DLG2: variants seen among roughly 807,000 people sequenced by gnomAD.
The protein encoded by DLG2 is disks large homolog 2.
Under a neutral mutation model 132.5 loss-of-function variants are expected in DLG2, and 45 were observed. The ratio of observed to expected loss-of-function variants is 0.34; its 90% confidence interval spans 0.27 to 0.44. DLG2 has a LOEUF of 0.44. Ranked by LOEUF, DLG2 falls within the 20% of genes least tolerant of loss-of-function variation. The pLI is 1.00. For missense variants in DLG2, 1,045 were observed against 1,196.9 expected (o/e 0.87, Z 1.87); for synonymous variants, 424 against 419.6 (o/e 1.01, Z -0.13).
At position 83,667,796 on chromosome 11, in the gene DLG2, G is replaced by A. The variant is rs933484467; in HGVS notation, c.1826-34471C>T. Among the ~76,000 whole-genome samples the A allele has an allele frequency of 3.3e-5, 5 of 151,662 alleles. No individual in the cohort carries two copies. The East Asian group carries it at 5.8e-4, about 18-fold the overall frequency. ...AGATTGAGACCATCCTAGCTAACAC[G>A]GTGAAACCCCGTCTGTACTAAAAAT... On this transcript the variant is annotated intron_variant, in intron 18 of 27. Transcript: ENST00000376104.
intron 3 of DLG2, among the ~76,000 whole-genome samples, chr11:85,452,096 T>A (rs1287335878): frequency 1.3e-5 from 2 of 152,126 alleles, no homozygotes; most frequent in Non-Finnish European, 2.9e-5. Context: ...GGTATTTTTA[T>A]AATAGATTAT....
intron 11 of DLG2, among the ~76,000 whole-genome samples, chr11:83,985,715 CCATGGTGTATATGAACCA>C (rs1481095128): frequency 1.3e-5 from 2 of 152,102 alleles, no homozygotes; most frequent in African/African-American, 4.8e-5. Flanking sequence ...ACATAGTATT[CCATGGTGTATATGAACCA>C]CATTTTCTAC....
intron 18 of DLG2, among the ~76,000 whole-genome samples, chr11:83,714,611 T>G (rs1315373508): frequency 6.6e-6 from 1 of 152,234 alleles, no homozygotes; most frequent in Non-Finnish European, 1.5e-5. Flanking sequence ...CTTCCTCATT[T>G]GAAAGATGAG....
intron 8 of DLG2, among the ~76,000 whole-genome samples, chr11:84,167,889 C>T (rs764433492): frequency 2.6e-5 from 4 of 152,168 alleles, no homozygotes; most frequent in Non-Finnish European, 5.9e-5. Context: ...TGGTCTCAAA[C>T]TCCTGACCTC....
At chr11:85,426,423 A>T (rs2090745312) in intron 3 of DLG2, among the ~76,000 whole-genome samples, 1 of 152,162 alleles carries the variant, frequency 6.6e-6, no homozygotes, top group African/African-American at 2.4e-5. Flanking sequence ...CTCCTCTGAG[A>T]CAAAACTTCC....
chr11:85,421,632 T>G (rs1171993666), intron 3 of DLG2, among the ~76,000 whole-genome samples: 2 of 152,068 alleles, frequency 1.3e-5, no homozygotes, highest in Admixed American at 1.3e-4. Flanking sequence ...TCTGTATCTT[T>G]TAAGTGGAGG....
intron 18 of DLG2, among the ~76,000 whole-genome samples, chr11:83,736,233 T>C (rs1326180419): frequency 6.6e-6 from 1 of 152,170 alleles, no homozygotes; most frequent in East Asian, 1.9e-4. Flanking sequence ...AAGACCCAAG[T>C]CTTAAACTGA....
At chr11:84,265,903 T>C (rs997411657) in intron 7 of DLG2, among the ~76,000 whole-genome samples, 17 of 152,292 alleles carry the variant, frequency 1.1e-4, no homozygotes, top group African/African-American at 4.1e-4. Context: ...TTAATGTGTA[T>C]ATATTTTTAA....
chr11:83,810,664 T>G (rs1273787092), intron 17 of DLG2, among the ~76,000 whole-genome samples: 1 of 152,130 alleles, frequency 6.6e-6, no homozygotes, highest in Non-Finnish European at 1.5e-5. Flanking sequence ...TTAAAATACC[T>G]ACATACTGTA....
At position 84,818,178 on chromosome 11, in the gene DLG2, G is replaced by A. The variant is rs540546362; in HGVS notation, c.358-283447C>T. Among the ~76,000 whole-genome samples the A allele has an allele frequency of 3.3e-5, 5 of 152,074 alleles. No homozygotes were observed. In the East Asian group the frequency reaches 5.8e-4, roughly 18 times the overall value. ...CACTGCAGAATTCAAACACTTCCAC[G>A]TAGAGGACAATGACTGGCAGGCATT... is the stretch of plus-strand genomic sequence containing the variant. On this transcript the variant is annotated intron_variant, in intron 6 of 27. Coordinates refer to ENST00000376104, the MANE Select transcript of DLG2 (RefSeq NM_001142699.3).
At chr11:85,027,252 C>T (rs1004172849) in intron 6 of DLG2, among the ~76,000 whole-genome samples, 2 of 127,290 alleles carry the variant, frequency 1.6e-5, no homozygotes, top group African/African-American at 5.9e-5. Context: ...GTTAAATACA[C>T]ATATGATATA....
At chr11:84,843,656 C>A (rs1031074001) in intron 6 of DLG2, among the ~76,000 whole-genome samples, 9 of 151,810 alleles carry the variant, frequency 5.9e-5, no homozygotes, top group African/African-American at 1.9e-4. Flanking sequence ...CTCTCATATA[C>A]TTTAAATCAT....
chr11:84,462,357 C>A (rs1164529690), intron 7 of DLG2, among the ~76,000 whole-genome samples: 1 of 150,816 alleles, frequency 6.6e-6, no homozygotes, highest in Non-Finnish European at 1.5e-5. Context: ...TTTTTAAAAA[C>A]CTTTTTTCCA....
intron 6 of DLG2, among the ~76,000 whole-genome samples, chr11:84,683,622 G>A (rs2099735461): frequency 6.6e-6 from 1 of 152,130 alleles, no homozygotes; most frequent in Non-Finnish European, 1.5e-5. Flanking sequence ...AACCACTGAA[G>A]GATTTTGAGA....
At chr11:84,905,411 A>T (rs879472157) in intron 6 of DLG2, among the ~76,000 whole-genome samples, 3 of 152,206 alleles carry the variant, frequency 2.0e-5, no homozygotes, top group Non-Finnish European at 2.9e-5. Flanking sequence ...AGACTCTATG[A>T]CTTAACACAA....
intron 18 of DLG2, among the ~76,000 whole-genome samples, chr11:83,673,744 C>T (rs775575934): frequency 1.3e-5 from 2 of 152,216 alleles, no homozygotes; most frequent in Admixed American, 6.5e-5. Context: ...GAACAAGCCT[C>T]ATTTTCTCCT....
At chr11:85,614,252 T>G (rs1435394443) in intron 2 of DLG2, among the ~76,000 whole-genome samples, 1 of 152,072 alleles carries the variant, frequency 6.6e-6, no homozygotes, top group Non-Finnish European at 1.5e-5. Flanking sequence ...TTTTTACAAA[T>G]CAAGGACACT....
chr11:84,739,379 T>C (rs564975667), intron 6 of DLG2, among the ~76,000 whole-genome samples: 17 of 152,294 alleles, frequency 1.1e-4, no homozygotes, highest in Admixed American at 3.3e-4. Flanking sequence ...CATGAAGTGA[T>C]GACTCCCTAC....
chr11:85,462,267 G>A (rs1258997971), intron 3 of DLG2, among the ~76,000 whole-genome samples: 1 of 152,302 alleles, frequency 6.6e-6, no homozygotes, highest in East Asian at 1.9e-4. Context: ...TCTAGAACTA[G>A]AAATACCATT....
Sources: allele counts gnomAD v4.1 joint callset (sites outside exome capture counted in the v4.1 genomes callset), GRCh38; gene constraint gnomAD v4.1.1; transcripts MANE v1.5; gene names NCBI Gene and HGNC (gene_info 2026-07-23, HGNC 2026-07-21).